Variants in UGT1A5 observed in about 807,000 individuals in gnomAD.
UGT1A5 encodes UDP glucuronosyltransferase family 1 member A5, also known as UDP-glucuronosyltransferase 1A5.
A neutral mutation model predicts 40.3 loss-of-function variants in UGT1A5; 29 were observed. The observed-to-expected ratio is 0.72, with a 90% CI of 0.54 to 0.98. The LOEUF (loss-of-function observed/expected upper bound fraction) is 0.98, where lower values mean the gene tolerates loss of function less well. UGT1A5 is among the 50% of genes least tolerant of loss of function. UGT1A5 has a pLI of 0.00. For missense variants in UGT1A5, 678 were observed against 677.9 expected (o/e 1.00, Z 0.00); for synonymous variants, 257 against 262.5 (o/e 0.98, Z 0.20).
chr2:233,725,714 T>G lies in UGT1A5; in HGVS notation c.867+11856T>G, dbSNP rs572434706. Among the ~76,000 whole-genome samples, 94 of 152,356 alleles carry G rather than the reference T, an allele frequency of 6.2e-4. 1 individual carries two copies. In the South Asian group the frequency reaches 0.019, roughly 32 times the overall value. ...AGTCATATGTAGTTAGTGACTACCA[T>G]ATGGTCAATGTTTACAAATGTAAAC... On this transcript the variant is annotated intron_variant, in intron 1 of 4. Transcript: ENST00000373414.
chr2:233,729,186 C>G, intron 1 of UGT1A5: 1 of 1,613,952 alleles, frequency 6.2e-7, no homozygotes, highest in Non-Finnish European at 8.5e-7. Flanking sequence ...TGCTTCTCCT[C>G]AGTGTCCAGC....
At chr2:233,734,402 G>T (rs2078521396) in intron 1 of UGT1A5, among the ~76,000 whole-genome samples, 1 of 152,028 alleles carries the variant, frequency 6.6e-6, no homozygotes. Flanking sequence ...GCGTCTATTT[G>T]ATTCTTCTCT....
In UGT1A5 at chr2:233,729,854, T is replaced by C. The variant is rs773168395; in HGVS notation, c.867+15996T>C. The C allele has an allele frequency of 2.5e-6, 4 of 1,613,682 alleles. No homozygotes were observed. In the African/African-American group the frequency reaches 5.3e-5, roughly 22 times the overall value. On this transcript the variant is annotated intron_variant, in intron 1 of 4. Transcript: ENST00000373414. ...GCCTCTGAGCTTTTTCAGAGAGAGGTGTCAGTGGTGGATATTCTCAGTCAT... is the reference window on the plus strand; with the variant it reads ...GCCTCTGAGCTTTTTCAGAGAGAGGCGTCAGTGGTGGATATTCTCAGTCAT...
At position 233,717,544 on chromosome 2, in the gene UGT1A5, C is replaced by A. The variant is rs1401420661; in HGVS notation, c.867+3686C>A. Among the ~76,000 whole-genome samples, 6 of 152,334 alleles carry A rather than the reference C, an allele frequency of 3.9e-5. No individual in the cohort carries two copies. The East Asian group carries it at 1.2e-3, about 29-fold the overall frequency. On this transcript the variant is annotated intron_variant, in intron 1 of 4. Transcript: ENST00000373414. The stretch of plus-strand genomic sequence containing the variant: ...TCCTCCATAAGGGAAGCCTCAGCCT[C>A]ACCAGCAATGGCAGACATGGCCAGG...
At chr2:233,734,081 A>G (rs1041213735) in intron 1 of UGT1A5, among the ~76,000 whole-genome samples, 23 of 152,124 alleles carry the variant, frequency 1.5e-4, no homozygotes, top group African/African-American at 5.6e-4. Context: ...CATTGTGCAC[A>G]TGCACCCTAA....
At chr2:233,747,507 C>A in intron 1 of UGT1A5, 2 of 1,608,136 alleles carry the variant, frequency 1.2e-6, no homozygotes, top group South Asian at 2.2e-5. Flanking sequence ...CCACACTCAA[C>A]TGTACTTTGA....
intron 1 of UGT1A5, among the ~76,000 whole-genome samples, chr2:233,748,980 T>C (rs957360151): frequency 2.4e-4 from 36 of 151,710 alleles, no homozygotes; most frequent in African/African-American, 7.6e-4. Context: ...GATCTACTTC[T>C]TTACCAACAA....
chr2:233,717,184 T>G (rs1236730642), intron 1 of UGT1A5, among the ~76,000 whole-genome samples: 1 of 152,144 alleles, frequency 6.6e-6, no homozygotes. Context: ...AAGAGCACCC[T>G]CCCAGGCATG....
At chr2:233,720,954 GC>G (rs1192605512) in intron 1 of UGT1A5, among the ~76,000 whole-genome samples, 1 of 149,064 alleles carries the variant, frequency 6.7e-6, no homozygotes, top group Non-Finnish European at 1.5e-5. Flanking sequence ...CATGTGATCT[GC>G]CCGCCTCGGC....
intron 4 of UGT1A5, 143 bp downstream of exon 4, chr2:233,768,582 C>CTTT (rs139595073): frequency 4.4e-4 from 456 of 1,032,814 alleles, no homozygotes; most frequent in African/African-American, 3.3e-3. Flanking sequence ...TTTATTTCTT[C>CTTT]TTTTTTTTTT....
chr2:233,768,319 G>T lies in UGT1A5; in HGVS notation c.1187G>T (p.Gly396Val), dbSNP rs367897068. 5.0e-6 allele frequency: 8 copies of T among 1,614,044 alleles called. No homozygotes were observed. Among genetic ancestry groups the T allele is most frequent in the South Asian group, 1.1e-5 (1 of 91,084 alleles). The change falls in exon 4 of 5, where the codon GGT becomes GTT. Residue 396 changes from glycine to valine, a missense_variant. Gly to Val is a moderately radical substitution (Grantham distance 109, BLOSUM62 -3). Transcript: ENST00000373414. The stretch of plus-strand genomic sequence containing the variant: ...CCCATGGTGATGATGCCCTTGTTTG[G>T]TGATCAGATGGACAATGCAAAGCGC... ...GVPMVMMPLFGDQMDNAKRME... is the reference protein window; with the variant it reads ...GVPMVMMPLFVDQMDNAKRME...
intron 4 of UGT1A5, among the ~76,000 whole-genome samples, chr2:233,771,783 TCTCCCTCCCTCC>T (rs562104634): frequency 6.6e-6 from 1 of 151,556 alleles, no homozygotes; most frequent in African/African-American, 2.4e-5. Context: ...TCCTTTCCTC[TCTCCCTCCCTCC>T]CTCCCTCCCT....
intron 1 of UGT1A5, among the ~76,000 whole-genome samples, chr2:233,757,672 G>A (rs1236186994): frequency 2.0e-5 from 3 of 151,168 alleles, no homozygotes; most frequent in Admixed American, 2.0e-4. Context: ...GGAAATTCAA[G>A]GAATTCAAGG....
chr2:233,725,063 TGCAATCG>T (rs2077358675), intron 1 of UGT1A5, among the ~76,000 whole-genome samples: 2 of 146,678 alleles, frequency 1.4e-5, no homozygotes, highest in African/African-American at 5.1e-5. Flanking sequence ...GGCGCGCGCC[TGCAATCG>T]CAGGCACTCG....
intron 1 of UGT1A5, among the ~76,000 whole-genome samples, chr2:233,736,548 C>T (rs547329540): frequency 1.4e-4 from 21 of 152,318 alleles, no homozygotes; most frequent in Admixed American, 5.9e-4. Flanking sequence ...CAGCTTTGCT[C>T]CATTGCTAGC....
intron 1 of UGT1A5, chr2:233,718,709 A>G (rs1203435699): frequency 2.2e-5 from 36 of 1,605,634 alleles, no homozygotes; most frequent in Non-Finnish European, 2.1e-5. Context: ...TTGTCTTCCA[A>G]TTACATGCTG....
chr2:233,760,775 A>G, intron 1 of UGT1A5: 2 of 1,613,738 alleles, frequency 1.2e-6, no homozygotes, highest in Non-Finnish European at 1.7e-6. Context: ...GTGGCCCAGT[A>G]CCTGTCTCTG....
Position 233,772,634 on chromosome 2 carries a change from T to C in UGT1A5, c.*75T>C. On this transcript the variant is annotated 3_prime_UTR_variant, in exon 5 of 5. Transcript: ENST00000373414. ...CCAAACTTGAAAACAGAATCAGTGT[T>C]AAATTCATTTTATTCTTATTAAGGA... The C allele has an allele frequency of 6.4e-7, 1 of 1,555,940 alleles. No individual in the cohort carries two copies. The highest frequency in any genetic ancestry group is 2.4e-5 in the East Asian group (1 of 41,342).
intron 4 of UGT1A5, among the ~76,000 whole-genome samples, chr2:233,771,773 T>C (rs1700376889): frequency 6.6e-6 from 1 of 152,072 alleles, no homozygotes; most frequent in Non-Finnish European, 1.5e-5. Context: ...CGTCCCTCTC[T>C]CCTTTCCTCT....
Sources: gnomAD v4.1 joint callset for allele counts (sites outside exome capture counted in the v4.1 genomes callset) on GRCh38, gnomAD v4.1.1 for gene constraint, MANE v1.5 for transcripts, NCBI Gene and HGNC (gene_info 2026-07-23, HGNC 2026-07-21) for gene names.